REEP4: variants seen among roughly 807,000 people sequenced by gnomAD.
The protein encoded by REEP4 is receptor expression-enhancing protein 4.
REEP4 carries 17 observed loss-of-function variants against 33.5 expected under a neutral mutation model. The ratio of observed to expected loss-of-function variants is 0.51; its 90% CI spans 0.35 to 0.76. The LOEUF (loss-of-function observed/expected upper bound fraction) is 0.76. Among genes scored for constraint, REEP4 ranks in the 30% least tolerant of loss-of-function variants. The pLI is 0.01. For missense variants in REEP4, 340 were observed against 357.9 expected, an observed-to-expected ratio of 0.95 and a Z score of 0.40; for synonymous variants, 157 against 142.9, an observed-to-expected ratio of 1.10 and a Z score of -0.70.
chr8:22,139,441 G>C lies in REEP4; in HGVS notation c.392C>G (p.Ser131Cys), dbSNP rs1193616598. 6.2e-7 allele frequency: 1 copy of C among 1,608,104 alleles called. No homozygotes were observed. Among genetic ancestry groups the C allele is most frequent in the African/African-American group, 1.3e-5 (1 of 74,934 alleles). The change falls in exon 5 of 8, where the codon TCC becomes TGC. Residue 131 changes from serine to cysteine, a missense_variant. Ser to Cys is a moderately radical substitution (Grantham distance 112). Transcript: ENST00000306306. The stretch of plus-strand genomic sequence containing the variant: ...CTTGGTGGCAGCCTGCACAGCAGCG[G>C]AGGCGGCAATGTTGAGGCCCCGCTT... ...FGKRGLNIAASAAVQAATKSQ... is the reference protein window; with the variant it reads ...FGKRGLNIAACAAVQAATKSQ...
intron 5 of REEP4, 151 bp from the exon 6 acceptor site, chr8:22,139,212 G>T (rs923045657): frequency 8.9e-7 from 1 of 1,119,340 alleles, no homozygotes; most frequent in East Asian, 2.6e-5. Context: ...AAGTCAGAGA[G>T]CAGGAGCCGC....
intron 2 of REEP4, 145 bp downstream of exon 2, chr8:22,140,480 C>T: frequency 2.4e-6 from 2 of 842,226 alleles, no homozygotes; most frequent in Admixed American, 2.0e-5. Context: ...CTATCTACAC[C>T]CTCTTGAACA....
In REEP4 at chr8:22,140,088, C is replaced by A. The variant is rs1488744411; in HGVS notation, c.183-5G>T. 6.2e-7 allele frequency: 1 copy of A among 1,614,040 alleles called. No homozygotes were observed. Among genetic ancestry groups the A allele is most frequent in the Non-Finnish European group, 8.5e-7 (1 of 1,179,948 alleles). Reference sequence around the variant, plus strand: ...ATCTCATAGTAGAAAGGGAACCTGTCACAGCACAAGGGGCAGGGTGAGCCA... The same window carrying A: ...ATCTCATAGTAGAAAGGGAACCTGTAACAGCACAAGGGGCAGGGTGAGCCA... On this transcript the variant is annotated splice_polypyrimidine_tract_variant and splice_region_variant and intron_variant, in intron 3 of 7. Coordinates refer to ENST00000306306, the MANE Select transcript of REEP4 (RefSeq NM_025232.4).
At chr8:22,139,863 G>T in intron 4 of REEP4, 100 bp downstream of exon 4, 2 of 1,438,518 alleles carry the variant, frequency 1.4e-6, no homozygotes, top group Non-Finnish European at 1.9e-6. Context: ...AGCAGGACTG[G>T]GATAGAACCC....
Position 22,138,769 on chromosome 8 carries a change from T to C in REEP4, c.578A>G (p.Asp193Gly). 6.2e-7 allele frequency: 1 copy of C among 1,607,532 alleles called. No homozygotes were observed. Among genetic ancestry groups the C allele is most frequent in the South Asian group, 1.1e-5 (1 of 90,570 alleles). ...PIGYRAGGLQDSDTEDECWSD... is the reference protein window; with the variant it reads ...PIGYRAGGLQGSDTEDECWSD... ...CCAACACTCATCCTCGGTGTCGCTG[T>C]CCTGCAGGCCCCCGGCCCGGTACCC... Residue 193 changes from aspartate to glycine, a missense_variant, in exon 7 of 8, where the codon GAC (aspartate) becomes GGC (glycine). Physicochemically the swap from Asp to Gly is moderately conservative, Grantham distance 94. Transcript: ENST00000306306.
rs767565082 is a variant in REEP4, at chr8:22,138,811, T to C, written c.554-18A>G. 6.3e-7 allele frequency: 1 copy of C among 1,581,104 alleles called. No individual in the cohort carries two copies. The highest frequency in any genetic ancestry group is 1.7e-4 in the Middle Eastern group (1 of 5,926). On this transcript the variant is annotated intron_variant, in intron 6 of 7. Transcript: ENST00000306306. ...CCGGTACCCTGTGTGGAGGAGGAGG[T>C]GAAGCTGAAAGCCTGCGACCAGGCC...
In REEP4 at chr8:22,138,741, T is replaced by A. The variant is rs1270291084; in HGVS notation, c.606A>T (p.Ser202=). ...QDSDTEDECW[S]DTEAVPRAPA... ...GCGCCCGGGGGACTGCCTCAGTATC[T>A]GACCAACACTCATCCTCGGTGTCGC... The change falls in exon 7 of 8, where the codon TCA becomes TCT. Residue 202 remains serine (S), a synonymous_variant. Transcript: ENST00000306306. 6.2e-7 allele frequency: 1 copy of A among 1,611,956 alleles called. No individual in the cohort carries two copies. The highest frequency in any genetic ancestry group is 1.3e-5 in the African/African-American group (1 of 74,846).
Position 22,139,420 on chromosome 8 carries a change from G to A in REEP4, c.413C>T (p.Thr138Ile), listed in dbSNP as rs1827188472. 1.2e-6 allele frequency: 2 copies of A among 1,604,616 alleles called. No homozygotes were observed. Among genetic ancestry groups the A allele is most frequent in the Non-Finnish European group, 1.7e-6 (2 of 1,178,698 alleles). ...AGGGCTGGGGGCCCAGAGCACCTTG[G>A]TGGCAGCCTGCACAGCAGCGGAGGC... ...IAASAAVQAA[T>I]KSQGALAGRL... The change falls in exon 5 of 8, where the codon ACC (threonine) becomes ATC (isoleucine). Residue 138 changes from threonine (T) to isoleucine (I), a missense_variant. Transcript: ENST00000306306.
chr8:22,141,405 G>A, intron 1 of REEP4, 46 bp downstream of exon 1: 2 of 1,588,988 alleles, frequency 1.3e-6, no homozygotes, highest in Non-Finnish European at 1.7e-6. Context: ...CACAGGGGCG[G>A]GACGGCACCC....
rs1827176131 is a variant in REEP4, at chr8:22,138,936, C to T, written c.543G>A (p.Arg181=). ...LYLEDQVSHR[R]PPIGYRAGGL... ...CCTCTGCCCGCTCACCAATGGGTGG[C>T]CTCCGGTGGGACACCTGGTCCTCCA... The change falls in exon 6 of 8, where the codon AGG becomes AGA. Residue 181 remains arginine, a synonymous_variant. Coordinates refer to ENST00000306306, the MANE Select transcript of REEP4 (RefSeq NM_025232.4). 2 of 1,588,416 alleles carry T rather than the reference C, an allele frequency of 1.3e-6. No homozygotes were observed. Among genetic ancestry groups the T allele is most frequent in the Admixed American group, 1.8e-5 (1 of 55,024 alleles).
At chr8:22,139,747 C>T in intron 4 of REEP4, 1 of 715,922 alleles carries the variant, frequency 1.4e-6, no homozygotes, top group Non-Finnish European at 2.3e-6. Flanking sequence ...CCACCACTAC[C>T]CCCAAACCAA....
At chr8:22,139,909 C>A in intron 4 of REEP4, 54 bp downstream of exon 4, 2 of 1,549,116 alleles carry the variant, frequency 1.3e-6, no homozygotes, top group South Asian at 1.2e-5. Flanking sequence ...AGGTCCAGGG[C>A]TCTTTCCCTC....
chr8:22,138,782 C>A lies in REEP4; in HGVS notation c.565G>T (p.Gly189Trp). Residue 189 changes from glycine (G) to tryptophan (W), a missense_variant, in exon 7 of 8, where the codon GGG becomes TGG. Gly to Trp is a radical substitution (Grantham distance 184). Transcript: ENST00000306306. ...TCGGTGTCGCTGTCCTGCAGGCCCC[C>A]GGCCCGGTACCCTGTGTGGAGGAGG... ...HRRPPIGYRA[G>W]GLQDSDTEDE... is the part of the protein sequence containing the mutation. 2 of 1,601,394 alleles carry A rather than the reference C, an allele frequency of 1.2e-6. No homozygotes were observed. The highest frequency in any genetic ancestry group is 2.7e-5 in the African/African-American group (2 of 74,050).
At chr8:22,140,433 C>T (rs1251024154) in intron 2 of REEP4, among the ~76,000 whole-genome samples, 185 bp from the exon 3 acceptor site, 1 of 152,162 alleles carries the variant, frequency 6.6e-6, no homozygotes, top group African/African-American at 2.4e-5. Flanking sequence ...AAGCTTCACC[C>T]ACCAGATCTT....
At chr8:22,139,814 G>T in intron 4 of REEP4, 149 bp downstream of exon 4, 1 of 952,478 alleles carries the variant, frequency 1.0e-6, no homozygotes, top group Non-Finnish European at 1.6e-6. Context: ...CAGAAGATGA[G>T]GTAGGCTGGG....
In REEP4 at chr8:22,138,796, G is replaced by GTGTGGAGGAGGA. The variant is rs1226248813; in HGVS notation, c.554-15_554-4dup. Reference sequence around the variant, plus strand: ...CTGCAGGCCCCCGGCCCGGTACCCTGTGTGGAGGAGGAGGTGAAGCTGAAA... The same window carrying GTGTGGAGGAGGA: ...CTGCAGGCCCCCGGCCCGGTACCCTGTGTGGAGGAGGATGTGGAGGAGGAGGTGAAGCTGAAA... On this transcript the variant is annotated splice_region_variant and splice_polypyrimidine_tract_variant and intron_variant, in intron 6 of 7. Transcript: ENST00000306306. The GTGTGGAGGAGGA allele has an allele frequency of 6.3e-7, 1 of 1,590,426 alleles. No individual in the cohort carries two copies. Among genetic ancestry groups the GTGTGGAGGAGGA allele is most frequent in the Admixed American group, 1.9e-5 (1 of 52,712 alleles).
At chr8:22,140,358 T>TC (rs1346623898) in intron 2 of REEP4, 110 bp from the exon 3 acceptor site, 1 of 1,110,878 alleles carries the variant, frequency 9.0e-7, no homozygotes, top group Non-Finnish European at 1.4e-6. Context: ...ATAGCTGCTT[T>TC]CCCCCACACA....
At chr8:22,139,931 T>C in intron 4 of REEP4, 32 bp downstream of exon 4, 2 of 1,558,584 alleles carry the variant, frequency 1.3e-6, no homozygotes, top group Non-Finnish European at 1.7e-6. Context: ...TACCCACCCC[T>C]AAGCCTCCCT....
rs1827239844 is a variant in REEP4, at chr8:22,141,901, A to G, written c.-419T>C. On this transcript the variant is annotated 5_prime_UTR_variant, in exon 1 of 8. Coordinates refer to ENST00000306306, the MANE Select transcript of REEP4 (RefSeq NM_025232.4). ...GCAACTCACTTGAAAGTTGCACGGA[A>G]CCGAGTGCTGCCCAACCCCAGGGCT... 1.1e-5 allele frequency: 2 copies of G among 180,856 alleles called. No homozygotes were observed. The highest frequency in any genetic ancestry group is 1.6e-4 in the South Asian group (1 of 6,450). The allele number at this position is 180,856 out of a possible 1,614,324, so 11.2% of individuals were successfully genotyped here. A position where few individuals can be genotyped will look rare whatever the true frequency, so the allele number is the denominator to read the frequency against.
Sources: allele counts gnomAD v4.1 joint callset (sites outside exome capture counted in the v4.1 genomes callset), GRCh38; gene constraint gnomAD v4.1.1; transcripts MANE v1.5; gene names NCBI Gene and HGNC (gene_info 2026-07-23, HGNC 2026-07-21).